DAB1: variants seen among roughly 807,000 people sequenced by gnomAD.
DAB1 encodes the protein DAB adaptor protein 1, also known as disabled homolog 1.
DAB1 carries 15 observed loss-of-function variants against 64.6 expected under a neutral mutation model. The observed-to-expected ratio is 0.23, with a 90% CI of 0.16 to 0.36. The LOEUF (loss-of-function observed/expected upper bound fraction) is 0.36. Ranked by LOEUF, DAB1 falls within the 10% of genes least tolerant of loss-of-function variation. The pLI is 1.00. For synonymous variants in DAB1, 235 were observed against 251.9 expected (o/e 0.93, Z 0.64); for missense variants, 596 against 706.7 (o/e 0.84, Z 1.78).
At chr1:58,197,794 C>T (rs1331322820) in intron 4 of DAB1, among the ~76,000 whole-genome samples, 3 of 150,912 alleles carry the variant, frequency 2.0e-5, no homozygotes, top group African/African-American at 7.3e-5. Flanking sequence ...TTCAGCTGTA[C>T]CTATTCCTTA....
chr1:58,008,092 A>C (rs1406722003), intron 5 of DAB1, among the ~76,000 whole-genome samples: 1 of 152,164 alleles, frequency 6.6e-6, no homozygotes, highest in Admixed American at 6.5e-5. Flanking sequence ...TGTTTGTCAG[A>C]CACTGTGTAG....
chr1:57,061,301 A>T (rs1293880048), intron 9 of DAB1, among the ~76,000 whole-genome samples: 1 of 151,362 alleles, frequency 6.6e-6, no homozygotes, highest in Non-Finnish European at 1.5e-5. Context: ...AAGAAGTTTC[A>T]CTAAACGAAA....
chr1:57,803,779 T>C (rs769872151), intron 6 of DAB1, among the ~76,000 whole-genome samples: 5 of 152,236 alleles, frequency 3.3e-5, no homozygotes, highest in Non-Finnish European at 7.3e-5. Context: ...CTGTTTTCTC[T>C]TGAGATAAGC....
At chr1:58,093,137 C>T (rs537407211) in intron 5 of DAB1, among the ~76,000 whole-genome samples, 3 of 152,220 alleles carry the variant, frequency 2.0e-5, no homozygotes, top group Non-Finnish European at 4.4e-5. Flanking sequence ...GAACTATACT[C>T]GTCACTCAAA....
At chr1:57,480,019 G>A (rs977660016) in intron 7 of DAB1, among the ~76,000 whole-genome samples, 1 of 151,706 alleles carries the variant, frequency 6.6e-6, no homozygotes, top group African/African-American at 2.4e-5. Context: ...GGGCATGGTG[G>A]CGCGCGCCTG....
intron 4 of DAB1, among the ~76,000 whole-genome samples, chr1:58,244,362 C>T (rs1660440909): frequency 6.6e-6 from 1 of 152,190 alleles, no homozygotes; most frequent in South Asian, 2.1e-4. Flanking sequence ...AGGGCACAGG[C>T]TACTCATGCT....
At chr1:58,515,601 TA>T (rs889625574) in intron 2 of DAB1, among the ~76,000 whole-genome samples, 1 of 152,224 alleles carries the variant, frequency 6.6e-6, no homozygotes, top group African/African-American at 2.4e-5. Flanking sequence ...AAAGTTACTT[TA>T]CAACATACCT....
intron 7 of DAB1, among the ~76,000 whole-genome samples, chr1:57,490,494 TAAC>T (rs1333179454): frequency 6.6e-6 from 1 of 152,208 alleles, no homozygotes; most frequent in African/African-American, 2.4e-5. Flanking sequence ...TAGGCTGCTT[TAAC>T]TTTTTAATTC....
intron 5 of DAB1, among the ~76,000 whole-genome samples, chr1:58,025,460 G>T (rs974242593): frequency 6.6e-6 from 1 of 151,410 alleles, no homozygotes; most frequent in African/African-American, 2.4e-5. Flanking sequence ...AGATCTGTCT[G>T]ATCTCTAAAC....
chr1:58,275,985 T>C (rs1220730630), intron 4 of DAB1, among the ~76,000 whole-genome samples: 1 of 152,216 alleles, frequency 6.6e-6, no homozygotes, highest in Non-Finnish European at 1.5e-5. Flanking sequence ...TGTTCAGTCT[T>C]AAGAGAAATT....
intron 14 of DAB1, among the ~76,000 whole-genome samples, chr1:57,004,120 C>A (rs1399195995): frequency 6.6e-6 from 1 of 152,164 alleles, no homozygotes; most frequent in Non-Finnish European, 1.5e-5. Context: ...GCCCCAGACA[C>A]AAGGGGTACT....
chr1:57,243,790 C>T (rs1668670446), intron 2 of DAB1, among the ~76,000 whole-genome samples: 1 of 152,112 alleles, frequency 6.6e-6, no homozygotes, highest in South Asian at 2.1e-4. Context: ...GCTTCCCCTG[C>T]ACCAATGGCA....
rs77703037 is a variant in DAB1, at chr1:57,194,801, T to C, written c.68-49372A>G. Among the ~76,000 whole-genome samples the C allele has an allele frequency of 9.1e-3, 1,392 of 152,136 alleles. 26 individuals carry two copies. The highest frequency in any genetic ancestry group is 0.031 in the African/African-American group (1,276 of 41,464). ...ATTTCCAGCCAGTCCTCAAAGCGCA[T>C]CTCCAATCAGTACTCAGGAAAGCAT... On this transcript the variant is annotated intron_variant, in intron 2 of 14. Coordinates refer to ENST00000371236, the MANE Select transcript of DAB1 (RefSeq NM_001365792.1).
intron 1 of DAB1, among the ~76,000 whole-genome samples, chr1:57,360,489 G>A (rs989087324): frequency 1.3e-5 from 2 of 152,074 alleles, no homozygotes; most frequent in Non-Finnish European, 2.9e-5. Context: ...CATGTTCACT[G>A]TGCATCATGT....
chr1:58,346,401 A>G (rs1210298093), intron 3 of DAB1, among the ~76,000 whole-genome samples: 3 of 152,244 alleles, frequency 2.0e-5, no homozygotes, highest in Non-Finnish European at 4.4e-5. Context: ...TCAGAGCTGT[A>G]AAAATGACTT....
At chr1:57,006,099 T>C (rs1392888156) in intron 14 of DAB1, among the ~76,000 whole-genome samples, 1 of 152,218 alleles carries the variant, frequency 6.6e-6, no homozygotes, top group Non-Finnish European at 1.5e-5. Flanking sequence ...AGAGTAGCTG[T>C]AATAGAGACA....
chr1:57,006,977 T>C (rs983505530), intron 14 of DAB1, among the ~76,000 whole-genome samples: 2 of 152,152 alleles, frequency 1.3e-5, no homozygotes, highest in African/African-American at 4.8e-5. Flanking sequence ...CTCTGTGTTT[T>C]GTTTCTTCCT....
At chr1:58,501,112 T>C (rs967148501) in intron 3 of DAB1, among the ~76,000 whole-genome samples, 1 of 152,198 alleles carries the variant, frequency 6.6e-6, no homozygotes, top group African/African-American at 2.4e-5. Context: ...AATAGAATTA[T>C]AACATATCAG....
chr1:58,032,826 C>T (rs1646990446), intron 5 of DAB1, among the ~76,000 whole-genome samples: 1 of 152,200 alleles, frequency 6.6e-6, no homozygotes. Context: ...TGGGCATAAA[C>T]TGGCAGGGTT....
Sources: gnomAD v4.1 joint callset for allele counts (sites outside exome capture counted in the v4.1 genomes callset) on GRCh38, gnomAD v4.1.1 for gene constraint, MANE v1.5 for transcripts, NCBI Gene and HGNC (gene_info 2026-07-23, HGNC 2026-07-21) for gene names.